Variants in NDUFA10 observed in about 807,000 individuals in gnomAD.
NDUFA10 encodes NADH:ubiquinone oxidoreductase subunit A10.
Under a neutral mutation model 47.8 loss-of-function variants are expected in NDUFA10, and 40 were observed. The ratio of observed to expected loss-of-function variants is 0.84; its 90% confidence interval spans 0.65 to 1.09. NDUFA10 has a LOEUF of 1.09. Among genes scored for constraint, NDUFA10 ranks in the 50% least tolerant of loss-of-function variants. NDUFA10 has a pLI of 0.00. For synonymous variants in NDUFA10, 183 were observed against 172.2 expected, an observed-to-expected ratio of 1.06 and a Z score of -0.49; for missense variants, 413 against 451.1, an observed-to-expected ratio of 0.92 and a Z score of 0.76.
At chr2:239,893,926 AATCTCATTCCTCCCT>A (rs1693343114) in intron 5 of NDUFA10, among the ~76,000 whole-genome samples, 1 of 140,528 alleles carries the variant, frequency 7.1e-6, no homozygotes, top group African/African-American at 2.7e-5. Flanking sequence ...CCATCATCCC[AATCTCATTCCTCCCT>A]GCCTCCCGTC....
intron 9 of NDUFA10, among the ~76,000 whole-genome samples, chr2:239,964,021 A>G (rs922070565): frequency 1.2e-4 from 18 of 152,110 alleles, no homozygotes; most frequent in African/African-American, 3.9e-4. Context: ...GGGACACAAC[A>G]CCTGGGCCAC....
intron 8 of NDUFA10, among the ~76,000 whole-genome samples, chr2:239,997,595 T>TATA (rs1448686307): frequency 6.6e-6 from 1 of 152,224 alleles, no homozygotes; most frequent in Non-Finnish European, 1.5e-5. Flanking sequence ...TGACCACTTT[T>TATA]ATACCTTAAG....
At chr2:239,927,723 G>C (rs1261815745) in intron 4 of NDUFA10, among the ~76,000 whole-genome samples, 1 of 152,214 alleles carries the variant, frequency 6.6e-6, no homozygotes, top group East Asian at 1.9e-4. Flanking sequence ...CAGGGTTAGG[G>C]GTGGGGCAAG....
intron 4 of NDUFA10, among the ~76,000 whole-genome samples, chr2:239,946,611 G>A (rs1463388489): frequency 1.3e-5 from 2 of 152,234 alleles, no homozygotes; most frequent in Non-Finnish European, 2.9e-5. Context: ...AGCTCATCTC[G>A]ATGAATCCCT....
chr2:239,914,889 A>ACT (rs1693823226), intron 4 of NDUFA10, among the ~76,000 whole-genome samples: 1 of 150,008 alleles, frequency 6.7e-6, no homozygotes, highest in African/African-American at 2.5e-5. Flanking sequence ...ACACAAACAT[A>ACT]CACACACATA....
Position 239,980,760 on chromosome 2 carries a change from CAG to C in NDUFA10, c.999+9312_999+9313del, listed in dbSNP as rs1162529676. On this transcript the variant is annotated intron_variant, in intron 9 of 9. Coordinates refer to ENST00000252711, the MANE Select transcript of NDUFA10 (RefSeq NM_004544.4). ...AAGAAGGAAGAGTGAGTGGAAAAGC[CAG>C]AGTGGTGAGCTGAAGCCGCGGTGCC... Among the ~76,000 whole-genome samples, 2 of 152,160 alleles carry C rather than the reference CAG, an allele frequency of 1.3e-5. 1 individual carries two copies. The highest frequency in any genetic ancestry group is 3.9e-4 in the East Asian group (2 of 5,184).
At chr2:239,925,501 G>A (rs1694051379) in intron 4 of NDUFA10, among the ~76,000 whole-genome samples, 1 of 152,266 alleles carries the variant, frequency 6.6e-6, no homozygotes, top group Non-Finnish European at 1.5e-5. Flanking sequence ...TGCGACCTAA[G>A]TCTCCCTTTA....
chr2:239,911,508 G>A (rs28406139), intron 4 of NDUFA10, among the ~76,000 whole-genome samples: 11 of 151,822 alleles, frequency 7.2e-5, no homozygotes, highest in African/African-American at 2.4e-4. Context: ...CAACATACCC[G>A]GAAAAGGGCC....
At chr2:239,909,029 A>G (rs543390417) in intron 4 of NDUFA10, among the ~76,000 whole-genome samples, 1 of 152,270 alleles carries the variant, frequency 6.6e-6, no homozygotes, top group African/African-American at 2.4e-5. Flanking sequence ...TGACTTAATG[A>G]CATGCCCTCT....
rs990534430 is a variant in NDUFA10 at position 239,987,168 on chromosome 2, C to T, written c.999+2906G>A. On this transcript the variant is annotated intron_variant, in intron 9 of 9. Transcript: ENST00000252711. The surrounding 1 kb of genome is among the most constrained non-coding windows in gnomAD (Gnocchi z 4.8). ...GGGCCTATGGATTGGACAGCAGTAA[C>T]GTGTGATGCTCATGAAGAGGGCCTG... is the stretch of plus-strand genomic sequence containing the variant. 6.6e-6 allele frequency among the ~76,000 whole-genome samples: 1 copy of T among 152,040 alleles called. No individual in the cohort carries two copies. Among genetic ancestry groups the T allele is most frequent in the Non-Finnish European group, 1.5e-5 (1 of 68,018 alleles).
intron 4 of NDUFA10, among the ~76,000 whole-genome samples, chr2:239,946,408 C>T (rs544501004): frequency 2.0e-5 from 3 of 152,292 alleles, no homozygotes; most frequent in Middle Eastern, 6.8e-3. Flanking sequence ...CTCGTTAACC[C>T]GCATGCTCTG....
rs373009613 is a variant in NDUFA10 at position 239,941,056 on chromosome 2, T to C, written c.295-45742A>G. On this transcript the variant is annotated intron_variant, in intron 4 of 5. Transcript: ENST00000419408. ...ACCACCCAGGAAGGGTAAGCGAAAC[T>C]GGACAGCAGCAAGGTCACTACAAGG... Among the ~76,000 whole-genome samples, 77 of 152,226 alleles carry C rather than the reference T, an allele frequency of 5.1e-4. 1 individual carries two copies. The South Asian group carries it at 0.016, about 31-fold the overall frequency.
chr2:239,974,874 G>GTGACAC (rs11282332), intron 9 of NDUFA10, among the ~76,000 whole-genome samples: 7,573 of 95,156 alleles, frequency 0.08, 439 homozygotes, highest in East Asian at 0.11. Flanking sequence ...TTAAAACTAT[G>GTGACAC]TGACACTCTA....
chr2:239,946,022 G>A (rs904273784), intron 4 of NDUFA10, among the ~76,000 whole-genome samples: 4 of 152,330 alleles, frequency 2.6e-5, no homozygotes, highest in South Asian at 4.1e-4. Context: ...CAGGGATTCC[G>A]TTCTGAACAG....
intron 4 of NDUFA10, among the ~76,000 whole-genome samples, chr2:239,936,857 G>C (rs1183082988): frequency 6.6e-6 from 1 of 152,226 alleles, no homozygotes; most frequent in Admixed American, 6.5e-5. Flanking sequence ...CTACTCGAGA[G>C]GCTGAGGCAG....
At chr2:239,976,372 G>GC (rs1172165856) in intron 9 of NDUFA10, 1 of 152,556 alleles carries the variant, frequency 6.6e-6, no homozygotes, top group Non-Finnish European at 1.5e-5. Context: ...GCCCTTGCCG[G>GC]CCATGCCCTG....
At chr2:239,920,451 C>T (rs1363917448) in intron 4 of NDUFA10, among the ~76,000 whole-genome samples, 3 of 152,174 alleles carry the variant, frequency 2.0e-5, no homozygotes, top group African/African-American at 2.4e-5. Flanking sequence ...CAGGAGCATC[C>T]GAGGGGGAGA....
chr2:239,960,496 A>T lies in NDUFA10; in HGVS notation c.*622T>A, dbSNP rs1024354077. 6.0e-6 allele frequency: 6 copies of T among 995,800 alleles called. No individual in the cohort carries two copies. The South Asian group carries it at 1.8e-4, about 29-fold the overall frequency. 61.7% of individuals were successfully genotyped at this position (995,800 alleles called of 1,614,324 possible). ...GTGAATCTTTCTCAACGTCTCTCTT[A>T]AAACATATTGTTCTGTAAATCTGTG... On this transcript the variant is annotated 3_prime_UTR_variant, in exon 10 of 10. Coordinates refer to ENST00000252711, the MANE Select transcript of NDUFA10 (RefSeq NM_004544.4).
intron 4 of NDUFA10, among the ~76,000 whole-genome samples, chr2:239,916,264 A>G (rs1403033493): frequency 7.2e-6 from 1 of 138,778 alleles, no homozygotes; most frequent in Non-Finnish European, 1.5e-5. Flanking sequence ...ACACACACAC[A>G]GAACACACAC....
Sources: allele counts gnomAD v4.1 joint callset (sites outside exome capture counted in the v4.1 genomes callset), GRCh38; gene constraint gnomAD v4.1.1; non-coding constraint Gnocchi (gnomAD v3.1); transcripts MANE v1.5; gene names NCBI Gene and HGNC (gene_info 2026-07-23, HGNC 2026-07-21).